Variants in ABI3BP observed in about 807,000 individuals in gnomAD.
ABI3BP encodes ABI family member 3 binding protein.
A neutral mutation model predicts 268.6 loss-of-function variants in ABI3BP; 216 were observed. The ratio of observed to expected loss-of-function variants is 0.80; its 90% CI spans 0.72 to 0.90. The LOEUF (loss-of-function observed/expected upper bound fraction) is 0.90, where lower values mean the gene tolerates loss of function less well. ABI3BP is among the 40% of genes least tolerant of loss of function. The pLI is 0.00. For synonymous variants in ABI3BP, 730 were observed against 730.0 expected (o/e 1.00, Z 0.00); for missense variants, 2,090 against 2,182.4 (o/e 0.96, Z 0.84).
chr3:100,766,537 TAA>T (rs2149733050), intron 62 of ABI3BP, among the ~76,000 whole-genome samples: 1 of 152,338 alleles, frequency 6.6e-6, no homozygotes, highest in East Asian at 1.9e-4. Flanking sequence ...GCTGCCTACA[TAA>T]GTTATGCTCC....
chr3:100,809,758 C>T (rs2097802053), intron 49 of ABI3BP, among the ~76,000 whole-genome samples: 1 of 152,068 alleles, frequency 6.6e-6, no homozygotes, highest in African/African-American at 2.4e-5. Flanking sequence ...TTGAAACCTA[C>T]AGCTATTAAG....
chr3:100,991,383 G>A (rs1006950117), intron 1 of ABI3BP, among the ~76,000 whole-genome samples: 4 of 152,108 alleles, frequency 2.6e-5, no homozygotes, highest in African/African-American at 9.7e-5. Context: ...ATCTTCTATG[G>A]AAAAGAGGAT....
At chr3:100,975,561 CAG>C (rs745811654) in intron 1 of ABI3BP, among the ~76,000 whole-genome samples, 11 of 152,082 alleles carry the variant, frequency 7.2e-5, no homozygotes, top group Non-Finnish European at 1.5e-4. Context: ...CAATTTTTTT[CAG>C]TCCTTCACAA....
At chr3:100,789,554 G>A in intron 55 of ABI3BP, 38 bp from the exon 56 acceptor site, 1 of 1,552,826 alleles carries the variant, frequency 6.4e-7, no homozygotes, top group Non-Finnish European at 8.7e-7. Flanking sequence ...ATAACCAACA[G>A]ACCAAAGCCT....
At chr3:100,871,580 G>C (rs533346787) in intron 9 of ABI3BP, among the ~76,000 whole-genome samples, 1 of 152,270 alleles carries the variant, frequency 6.6e-6, no homozygotes, top group East Asian at 1.9e-4. Flanking sequence ...AGATCTGATG[G>C]CTTTAAAAAT....
chr3:100,849,982 C>G, intron 17 of ABI3BP, 63 bp downstream of exon 17: 3 of 1,400,756 alleles, frequency 2.1e-6, no homozygotes, highest in Non-Finnish European at 3.0e-6. Flanking sequence ...AAATGGCCAA[C>G]ATGACTTCTC....
intron 50 of ABI3BP, among the ~76,000 whole-genome samples, chr3:100,805,260 GT>G (rs1330533182): frequency 2.0e-5 from 3 of 152,042 alleles, no homozygotes; most frequent in Non-Finnish European, 2.9e-5. Context: ...GGTAAAGACG[GT>G]GAGGTCAGGG....
chr3:100,817,464 A>G lies in ABI3BP; in HGVS notation c.3120T>C (p.Phe1040=), dbSNP rs2098090111. The stretch of plus-strand genomic sequence containing the variant: ...ACGTTGTTTCTGGAAACTTGGTTCT[A>G]AAAGTGTCAGGTTCAAGGACTGTAG... The part of the protein sequence containing the change: ...VVTTVLEPDT[F]RTKFPETTLA... Residue 1040 remains phenylalanine (F), a synonymous_variant, in exon 42 of 68, where the codon TTT becomes TTC. Transcript: ENST00000471714. 3 of 1,512,328 alleles carry G rather than the reference A, an allele frequency of 2.0e-6. No individual in the cohort carries two copies. Among genetic ancestry groups the G allele is most frequent in the Non-Finnish European group, 2.7e-6 (3 of 1,131,722 alleles). 93.7% of individuals were successfully genotyped at this position (1,512,328 alleles called of 1,614,324 possible).
intron 50 of ABI3BP, among the ~76,000 whole-genome samples, chr3:100,807,176 T>C (rs1204620342): frequency 6.6e-6 from 1 of 151,986 alleles, no homozygotes; most frequent in African/African-American, 2.4e-5. Context: ...TTGTCTGCTA[T>C]TTTTAACGTT....
At chr3:100,990,402 AT>A (rs2092726725) in intron 1 of ABI3BP, among the ~76,000 whole-genome samples, 1 of 152,012 alleles carries the variant, frequency 6.6e-6, no homozygotes. Flanking sequence ...AACTATAGTC[AT>A]TTAGTGGTGG....
Position 100,910,367 on chromosome 3 carries a change from C to T in ABI3BP, c.260-7681G>A, listed in dbSNP as rs146588049. ...GGCACTTGTATACCTATGTAACAAA[C>T]CTGCATATTCTGCACATGTACCCCA... On this transcript the variant is annotated intron_variant, in intron 2 of 67. Coordinates refer to ENST00000471714, the MANE Select transcript of ABI3BP (RefSeq NM_001375547.2). Among the ~76,000 whole-genome samples, 643 of 151,934 alleles carry T rather than the reference C, an allele frequency of 4.2e-3. 4 individuals are homozygous for T. The highest frequency in any genetic ancestry group is 0.014 in the African/African-American group (596 of 41,422).
At chr3:100,855,223 G>T (rs73137217) in intron 14 of ABI3BP, among the ~76,000 whole-genome samples, 2 of 152,292 alleles carry the variant, frequency 1.3e-5, no homozygotes, top group Non-Finnish European at 2.9e-5. Flanking sequence ...ACTGTGTCCA[G>T]CCCTAAATTA....
intron 62 of ABI3BP, among the ~76,000 whole-genome samples, chr3:100,766,996 A>G (rs773928216): frequency 3.9e-5 from 6 of 152,134 alleles, no homozygotes; most frequent in East Asian, 1.9e-4. Context: ...CAATTCACCA[A>G]TTCATATTTG....
At chr3:100,840,272 G>T in intron 22 of ABI3BP, 108 bp from the exon 23 acceptor site, 1 of 848,204 alleles carries the variant, frequency 1.2e-6, no homozygotes, top group Non-Finnish European at 1.7e-6. Flanking sequence ...ATTTACTGTG[G>T]ACATGTTTCC....
chr3:100,986,993 G>A (rs2153980582), intron 1 of ABI3BP, among the ~76,000 whole-genome samples: 1 of 151,924 alleles, frequency 6.6e-6, no homozygotes, highest in African/African-American at 2.4e-5. Context: ...TTTAACAAAT[G>A]TATTCTTATT....
At chr3:100,866,121 C>T (rs193000972) in intron 10 of ABI3BP, among the ~76,000 whole-genome samples, 177 of 152,270 alleles carry the variant, frequency 1.2e-3, no homozygotes, top group African/African-American at 4.0e-3. Flanking sequence ...ATCAATATTT[C>T]AAGTTATAGG....
intron 28 of ABI3BP, 138 bp from the exon 29 acceptor site, chr3:100,834,911 T>A: frequency 1.4e-6 from 1 of 727,238 alleles, no homozygotes; most frequent in South Asian, 2.1e-5. Context: ...CTTCTGATCA[T>A]CTATATGCAA....
chr3:100,897,627 A>G (rs1468832699), intron 4 of ABI3BP, among the ~76,000 whole-genome samples: 1 of 152,212 alleles, frequency 6.6e-6, no homozygotes, highest in African/African-American at 2.4e-5. Context: ...ATGGTGATAG[A>G]AATCAAATCA....
chr3:100,794,195 A>G (rs2097274618), intron 54 of ABI3BP, among the ~76,000 whole-genome samples: 1 of 152,056 alleles, frequency 6.6e-6, no homozygotes, highest in African/African-American at 2.4e-5. Context: ...TCTTTTCTCT[A>G]TCACACTCAT....
Sources: gnomAD v4.1 joint callset for allele counts (sites outside exome capture counted in the v4.1 genomes callset) on GRCh38, gnomAD v4.1.1 for gene constraint, MANE v1.5 for transcripts, NCBI Gene and HGNC (gene_info 2026-07-23, HGNC 2026-07-21) for gene names.